The following TRIM7 variants were observed in gnomAD, a reference collection of about 807,000 sequenced individuals.
TRIM7 encodes tripartite motif containing 7, also known as E3 ubiquitin-protein ligase TRIM7.
TRIM7 carries 32 observed loss-of-function variants against 37.9 expected under a neutral mutation model. The observed-to-expected ratio is 0.84, with a 90% CI of 0.64 to 1.13. TRIM7 has a LOEUF of 1.13. Ranked by LOEUF, TRIM7 falls within the 50% of genes most tolerant of loss-of-function variation. The pLI, the probability that TRIM7 is intolerant of heterozygous loss-of-function variation, is 0.00. For synonymous variants in TRIM7, 351 were observed against 321.3 expected (o/e 1.09, Z -0.99); for missense variants, 732 against 714.0 (o/e 1.03, Z -0.29).
At chr5:181,199,537 C>CTT in intron 3 of TRIM7, 3 of 458,046 alleles carry the variant, frequency 6.5e-6, no homozygotes, top group Non-Finnish European at 3.9e-6. Context: ...TTGTTTATAA[C>CTT]TTTTTTTTTA....
In TRIM7 at chr5:181,199,086, G is replaced by C; in HGVS notation, c.872+9C>G. The C allele has an allele frequency of 6.2e-7, 1 of 1,614,234 alleles. No individual in the cohort carries two copies. On this transcript the variant is annotated intron_variant, in intron 4 of 6. Coordinates refer to ENST00000274773, the MANE Select transcript of TRIM7 (RefSeq NM_203293.3). ...TTAGAGAGGCCCCAGGAGCTGTGAG[G>C]TCACTCACCTGCTCAGCGTGCTTTT...
intron 2 of TRIM7, among the ~76,000 whole-genome samples, chr5:181,201,682 G>A (rs1176564837): frequency 6.6e-6 from 1 of 152,204 alleles, no homozygotes; most frequent in Non-Finnish European, 1.5e-5. Flanking sequence ...TGGGGGGATC[G>A]CTTGAACGAC....
Position 181,205,027 on chromosome 5 carries a change from C to G in TRIM7, c.84G>C (p.Thr28=), listed in dbSNP as rs1366309166. ...GAAAGAGCTCTAGGCAGATGGAGCA[C>G]GTCGCCTCGCCCTGCAGCTCTGCCG... ...ALAAELQGEA[T]CSICLELFRE... The change falls in exon 1 of 7, where the codon ACG becomes ACC. Residue 28 remains threonine (T), a synonymous_variant. Coordinates refer to ENST00000274773, the MANE Select transcript of TRIM7 (RefSeq NM_203293.3). The G allele has an allele frequency of 1.4e-6, 2 of 1,452,376 alleles. No homozygotes were observed. Among genetic ancestry groups the G allele is most frequent in the Non-Finnish European group, 1.8e-6 (2 of 1,109,484 alleles). 90.0% of individuals were successfully genotyped at this position (1,452,376 alleles called of 1,614,324 possible). A position where few individuals can be genotyped will look rare whatever the true frequency, so the allele number is the denominator to read the frequency against.
rs774215224 is a variant in TRIM7, at chr5:181,195,438, C to T, written c.1264G>A (p.Gly422Ser). 8 of 1,607,842 alleles carry T rather than the reference C, an allele frequency of 5.0e-6. 1 individual carries two copies. The South Asian group carries it at 8.8e-5, about 18-fold the overall frequency. ...TCCTCGGGAGTGAAGGGCGTCAGGC[C>T]CTTTCGGCGCACGCTCTCGCGGGCC... ...GVARESVRRK[G>S]LTPFTPEEGV... Residue 422 changes from glycine (G) to serine (S), a missense_variant, in exon 7 of 7, where the codon GGC becomes AGC. Physicochemically the swap from Gly to Ser is moderately conservative, Grantham distance 56. Transcript: ENST00000274773.
At position 181,203,540 on chromosome 5, in the gene TRIM7, C is replaced by T; in HGVS notation, c.618+5G>A. ...CCACGGGGGGCCTGCGGGTGCCTGG[C>T]TCACCAGCAGCTCCTTGCTCTCCTT... On this transcript the variant is annotated splice_donor_5th_base_variant and intron_variant, in intron 2 of 6. Transcript: ENST00000274773. 1.2e-6 allele frequency: 2 copies of T among 1,614,192 alleles called. No individual in the cohort carries two copies. Among genetic ancestry groups the T allele is most frequent in the East Asian group, 2.2e-5 (1 of 44,882 alleles).
Position 181,204,667 on chromosome 5 carries a change from G to T in TRIM7, c.444C>A (p.Ile148=). Residue 148 remains isoleucine, a synonymous_variant, in exon 1 of 7, where the codon ATC becomes ATA. Transcript: ENST00000274773. ...KLYCQDDGRA[I]CVVCDRAREH... is the part of the protein sequence containing the mutation. ...CGCGGGCGCGGTCGCACACCACGCA[G>T]ATGGCGCGTCCGTCGTCCTGGCAGT... 1.3e-6 allele frequency: 2 copies of T among 1,515,734 alleles called. No individual in the cohort carries two copies. Among genetic ancestry groups the T allele is most frequent in the Non-Finnish European group, 8.7e-7 (1 of 1,143,356 alleles). 93.9% of individuals were successfully genotyped at this position (1,515,734 alleles called of 1,614,324 possible).
In TRIM7 at chr5:181,203,533, TG is replaced by T; in HGVS notation, c.618+11del. 1 of 1,614,004 alleles carries T rather than the reference TG, an allele frequency of 6.2e-7. No homozygotes were observed. On this transcript the variant is annotated intron_variant, in intron 2 of 6. Coordinates refer to ENST00000274773, the MANE Select transcript of TRIM7 (RefSeq NM_203293.3). ...TAATGTCCCACGGGGGGCCTGCGGG[TG>T]CCTGGCTCACCAGCAGCTCCTTGCT... is the stretch of plus-strand genomic sequence containing the variant.
chr5:181,195,112 G>C lies in TRIM7; in HGVS notation c.*54C>G. ...AGACGGACCAGGCATCTCTGGGGAGGCGACATCCCCTCCCACCGGCAGCCC... is the reference window on the plus strand; with the variant it reads ...AGACGGACCAGGCATCTCTGGGGAGCCGACATCCCCTCCCACCGGCAGCCC... On this transcript the variant is annotated 3_prime_UTR_variant, in exon 7 of 7. Coordinates refer to ENST00000274773, the MANE Select transcript of TRIM7 (RefSeq NM_203293.3). The C allele has an allele frequency of 6.5e-7, 1 of 1,545,910 alleles. No individual in the cohort carries two copies. The highest frequency in any genetic ancestry group is 8.7e-7 in the Non-Finnish European group (1 of 1,143,352).
At position 181,204,791 on chromosome 5, in the gene TRIM7, C is replaced by A. The variant is rs374579277; in HGVS notation, c.320G>T (p.Ser107Ile). 5 of 1,425,422 alleles carry A rather than the reference C, an allele frequency of 3.5e-6. No individual in the cohort carries two copies. Among genetic ancestry groups the A allele is most frequent in the East Asian group, 3.1e-5 (1 of 32,710 alleles). 88.3% of individuals were successfully genotyped at this position (1,425,422 alleles called of 1,614,324 possible). A position where few individuals can be genotyped will look rare whatever the true frequency, so the allele number is the denominator to read the frequency against. Residue 107 changes from serine (S) to isoleucine (I), a missense_variant, in exon 1 of 7, where the codon AGC becomes ATC. By Grantham distance (142) the Ser-to-Ile change is moderately radical (BLOSUM62 -2). Transcript: ENST00000274773. ...CTCTCCCGGGGCAGCCGCGGGCAGG[C>A]TGAAGCGCCGCAGGAGCGTGGCCAC... The part of the protein sequence containing the change: ...AAVATLLRRF[S>I]LPAAAPGEHG...
chr5:181,199,560 A>G, intron 3 of TRIM7: 1 of 512,120 alleles, frequency 2.0e-6, no homozygotes, highest in Non-Finnish European at 3.4e-6. Context: ...GAAATAGAAT[A>G]GAAAACATCA....
rs1757279700 is a variant in TRIM7 at position 181,198,561 on chromosome 5, T to C, written c.988+129A>G. 4 of 722,834 alleles carry C rather than the reference T, an allele frequency of 5.5e-6. No individual in the cohort carries two copies. The East Asian group carries it at 1.1e-4, about 19-fold the overall frequency. 44.8% of individuals were successfully genotyped at this position (722,834 alleles called of 1,614,324 possible). ...TGCCACCACAGCCCCTACACCAATC[T>C]GGCCATGGCACAGCCAGCTCCTATT... On this transcript the variant is annotated intron_variant, in intron 5 of 6. Coordinates refer to ENST00000274773, the MANE Select transcript of TRIM7 (RefSeq NM_203293.3).
At position 181,195,337 on chromosome 5, in the gene TRIM7, G is replaced by A. The variant is rs1397916065; in HGVS notation, c.1365C>T (p.Cys455=). 1.3e-6 allele frequency: 2 copies of A among 1,586,898 alleles called. No homozygotes were observed. The highest frequency in any genetic ancestry group is 1.7e-6 in the Non-Finnish European group (2 of 1,167,094). ...CCACCCGCACGCGCGACAGGTGCCC[G>A]CAGCTGAGGGGCGACCGCTCGGGGC... ...VTSPERSPLS[C]GHLSRVRVAL... is the part of the protein sequence containing the mutation. Residue 455 remains cysteine (C), a synonymous_variant, in exon 7 of 7, where the codon TGC becomes TGT. Transcript: ENST00000274773.
chr5:181,195,120 C>G lies in TRIM7; in HGVS notation c.*46G>C. On this transcript the variant is annotated 3_prime_UTR_variant, in exon 7 of 7. Transcript: ENST00000274773. ...CAGGCATCTCTGGGGAGGCGACATC[C>G]CCTCCCACCGGCAGCCCAGAGACAG... 6.5e-7 allele frequency: 1 copy of G among 1,547,734 alleles called. No homozygotes were observed. Among genetic ancestry groups the G allele is most frequent in the East Asian group, 2.3e-5 (1 of 44,194 alleles).
chr5:181,204,874 C>T lies in TRIM7; in HGVS notation c.237G>A (p.Pro79=). Residue 79 remains proline, a synonymous_variant, in exon 1 of 7, where the codon CCG becomes CCA. Transcript: ENST00000274773. ...TRAPPFPLPC[P]QCREPARPSQ... ...TGGGGCGCGCGGGCTCGCGGCACTG[C>T]GGACAGGGCAGTGGGAAGGGGGGCG... The T allele has an allele frequency of 1.5e-6, 2 of 1,345,866 alleles. No homozygotes were observed. The highest frequency in any genetic ancestry group is 6.2e-5 in the East Asian group (2 of 32,354). The allele number at this position is 1,345,866 out of a possible 1,614,324, so 83.4% of individuals were successfully genotyped here.
rs1307924800 is a variant in TRIM7, at chr5:181,194,934, A to G, written c.*232T>C. ...CTCCACCTCCTGAAGGCTCTGGCCA[A>G]ATCCACATGTGACCTCAGGAAGGGA... is the stretch of plus-strand genomic sequence containing the variant. On this transcript the variant is annotated 3_prime_UTR_variant, in exon 7 of 7. Coordinates refer to ENST00000274773, the MANE Select transcript of TRIM7 (RefSeq NM_203293.3). 4.0e-6 allele frequency: 2 copies of G among 499,584 alleles called. No individual in the cohort carries two copies. Among genetic ancestry groups the G allele is most frequent in the East Asian group, 3.4e-5 (1 of 29,492 alleles). The allele number at this position is 499,584 out of a possible 1,614,324, so 30.9% of individuals were successfully genotyped here. A position where few individuals can be genotyped will look rare whatever the true frequency, so the allele number is the denominator to read the frequency against.
chr5:181,204,551 T>G, intron 1 of TRIM7, 38 bp downstream of exon 1: 1 of 1,327,416 alleles, frequency 7.5e-7, no homozygotes, highest in Admixed American at 3.7e-5. Context: ...AGTCAGGGGG[T>G]CCCGGGGACC....
At chr5:181,203,706 T>G (rs1346020616) in intron 1 of TRIM7, 66 bp from the exon 2 acceptor site, 2 of 1,540,018 alleles carry the variant, frequency 1.3e-6, no homozygotes, top group African/African-American at 2.8e-5. Flanking sequence ...ACCTCTGCCT[T>G]CCTGGAGCCA....
At chr5:181,203,843 C>G (rs1757658192) in intron 1 of TRIM7, 2 of 1,334,244 alleles carry the variant, frequency 1.5e-6, no homozygotes, top group Non-Finnish European at 1.9e-6. Context: ...AAAGCATCTG[C>G]TGGACCAGCC....
In TRIM7 at chr5:181,195,585, G is replaced by T; in HGVS notation, c.1117C>A (p.Leu373Met). 1 of 1,603,636 alleles carries T rather than the reference G, an allele frequency of 6.2e-7. No homozygotes were observed. The highest frequency in any genetic ancestry group is 8.5e-7 in the Non-Finnish European group (1 of 1,173,072). ...TCGAAGCGGCAGGGGTGGTTGGGCA[G>T]GTCCTGGGCCCGCTCGCCGAGGCGC... The part of the protein sequence containing the change: ...GVRLGERAQD[L>M]PNHPCRFDTN... The change falls in exon 7 of 7, where the codon CTG (leucine) becomes ATG (methionine). Residue 373 changes from leucine to methionine, a missense_variant. Transcript: ENST00000274773.
Sources: allele counts gnomAD v4.1 joint callset (sites outside exome capture counted in the v4.1 genomes callset), GRCh38; gene constraint gnomAD v4.1.1; transcripts MANE v1.5; gene names NCBI Gene and HGNC (gene_info 2026-07-23, HGNC 2026-07-21).